Variants in ZKSCAN1 observed in about 807,000 individuals in gnomAD.
The protein encoded by ZKSCAN1 is zinc finger protein with KRAB and SCAN domains 1.
ZKSCAN1 carries 14 observed loss-of-function variants against 51.6 expected under a neutral mutation model. The ratio of observed to expected loss-of-function variants is 0.27; its 90% CI spans 0.18 to 0.42. ZKSCAN1 has a LOEUF of 0.42. Among genes scored for constraint, ZKSCAN1 ranks in the 10% least tolerant of loss-of-function variants. ZKSCAN1 has a pLI of 1.00. For missense variants in ZKSCAN1, 531 were observed against 710.0 expected (o/e 0.75, Z 2.86); for synonymous variants, 263 against 261.5 (o/e 1.01, Z -0.06).
Position 100,041,213 on chromosome 7 carries a change from G to T in ZKSCAN1, c.*7016G>T. On this transcript the variant is annotated 3_prime_UTR_variant, in exon 6 of 6. Transcript: ENST00000324306. The stretch of plus-strand genomic sequence containing the variant: ...AATAAATTAGACCAAAAGAAGAAAC[G>T]TGCTTGTCTCTGTATACCCGCAGAA... 1.3e-6 allele frequency: 1 copy of T among 769,456 alleles called. No individual in the cohort carries two copies. Among genetic ancestry groups the T allele is most frequent in the Non-Finnish European group, 1.6e-6 (1 of 632,940 alleles). The allele number at this position is 769,456 out of a possible 1,614,324, so 47.7% of individuals were successfully genotyped here.
rs1222141773 is a variant in ZKSCAN1, at chr7:100,039,282, AGCCT to A, written c.*5087_*5090del. ...AGCCGAGATTGCACCACTGCACTCC[AGCCT>A]GGGTAACAGAGACTCTGTCTCAAAA... is the stretch of plus-strand genomic sequence containing the variant. On this transcript the variant is annotated 3_prime_UTR_variant, in exon 6 of 6. Coordinates refer to ENST00000324306, the MANE Select transcript of ZKSCAN1 (RefSeq NM_003439.4). 1 of 981,098 alleles carries A rather than the reference AGCCT, an allele frequency of 1.0e-6. No individual in the cohort carries two copies. The highest frequency in any genetic ancestry group is 1.2e-6 in the Non-Finnish European group (1 of 826,798). 60.8% of individuals were successfully genotyped at this position (981,098 alleles called of 1,614,324 possible).
At chr7:100,044,521 AT>A (rs1406183415), downstream of ZKSCAN1, among the ~76,000 whole-genome samples, 4 of 151,952 alleles carry the variant, frequency 2.6e-5, no homozygotes, top group East Asian at 1.9e-4. Context: ...ATACAAAAAA[AT>A]AAAATAAAAT....
rs772200962 is a variant in ZKSCAN1 at position 100,034,176 on chromosome 7, G to A, written c.1671G>A (p.Ala557=). The change falls in exon 6 of 6, where the codon GCG becomes GCA. Residue 557 remains alanine, a synonymous_variant. Coordinates refer to ENST00000324306, the MANE Select transcript of ZKSCAN1 (RefSeq NM_003439.4). Reference sequence around the variant, plus strand: ...CAGCCTCCCTTGATGCATTTGGCGCGTTCCTGAAAAGTTGTGTGTAAAGGA... The same window carrying A: ...CAGCCTCCCTTGATGCATTTGGCGCATTCCTGAAAAGTTGTGTGTAAAGGA... ...YSPASLDAFG[A]FLKSCV is the part of the protein sequence containing the mutation. 27 of 1,510,106 alleles carry A rather than the reference G, an allele frequency of 1.8e-5. No homozygotes were observed. In the Admixed American group the frequency reaches 3.2e-4, roughly 18 times the overall value. 93.5% of individuals were successfully genotyped at this position (1,510,106 alleles called of 1,614,324 possible).
chr7:100,037,131 G>T lies in ZKSCAN1; in HGVS notation c.*2934G>T. ...CAGATGCTCAGTGCAAAGTGTAATT[G>T]GGTCATGGTCAAAAACGCTTGCAAC... On this transcript the variant is annotated 3_prime_UTR_variant, in exon 6 of 6. Transcript: ENST00000324306. The T allele has an allele frequency of 1.0e-6, 1 of 985,416 alleles. No individual in the cohort carries two copies. Among genetic ancestry groups the T allele is most frequent in the East Asian group, 1.1e-4 (1 of 8,814 alleles). The allele number at this position is 985,416 out of a possible 1,614,324, so 61.0% of individuals were successfully genotyped here. A position where few individuals can be genotyped will look rare whatever the true frequency, so the allele number is the denominator to read the frequency against.
At chr7:100,041,841 T>G (rs189706275), downstream of ZKSCAN1, among the ~76,000 whole-genome samples, 321 of 152,298 alleles carry the variant, frequency 2.1e-3, 1 homozygote, top group South Asian at 1.9e-3. Context: ...ATCTGTTTAC[T>G]TTGCAAACCA....
In ZKSCAN1 at chr7:100,040,593, A is replaced by C. The variant is rs1791552252; in HGVS notation, c.*6396A>C. The C allele has an allele frequency of 1.0e-6, 1 of 985,456 alleles. No homozygotes were observed. The highest frequency in any genetic ancestry group is 1.7e-5 in the African/African-American group (1 of 57,362). 61.0% of individuals were successfully genotyped at this position (985,456 alleles called of 1,614,324 possible). A position where few individuals can be genotyped will look rare whatever the true frequency, so the allele number is the denominator to read the frequency against. On this transcript the variant is annotated 3_prime_UTR_variant, in exon 6 of 6. Coordinates refer to ENST00000324306, the MANE Select transcript of ZKSCAN1 (RefSeq NM_003439.4). ...TCCAGGGAAGGGTCCAAGCAGCCAC[A>C]GTTGCCCTAAATCTCCATCATTAAG...
At position 100,040,323 on chromosome 7, in the gene ZKSCAN1, C is replaced by T. The variant is rs1791541882; in HGVS notation, c.*6126C>T. 1 of 985,442 alleles carries T rather than the reference C, an allele frequency of 1.0e-6. No homozygotes were observed. 61.0% of individuals were successfully genotyped at this position (985,442 alleles called of 1,614,324 possible). ...GTTTGGTAGACTTCTAAATCATGGT[C>T]TCTGACAATTTGAATCTGAGATTCT... On this transcript the variant is annotated 3_prime_UTR_variant, in exon 6 of 6. Transcript: ENST00000324306.
rs992190881 is a variant in ZKSCAN1, at chr7:100,020,671, A to G, written c.-88-2748A>G. 3.9e-5 allele frequency among the ~76,000 whole-genome samples: 6 copies of G among 152,192 alleles called. No homozygotes were observed. The South Asian group carries it at 1.2e-3, about 32-fold the overall frequency. On this transcript the variant is annotated intron_variant, in intron 1 of 5. Coordinates refer to ENST00000324306, the MANE Select transcript of ZKSCAN1 (RefSeq NM_003439.4). ...ACTCCGTTTCAATATATATGTATAT[A>G]TAATTTTTGTGCTGTTATATGTACA...
Position 100,041,182 on chromosome 7 carries a change from G to A in ZKSCAN1, c.*6985G>A, listed in dbSNP as rs1791579017. The A allele has an allele frequency of 1.4e-5, 10 of 732,618 alleles. No homozygotes were observed. In the South Asian group the frequency reaches 4.3e-4, roughly 32 times the overall value. The allele number at this position is 732,618 out of a possible 1,614,324, so 45.4% of individuals were successfully genotyped here. ...TGTTTTGTCAGTTCCCAGCTTCTTC[G>A]TTTAGAATAAATTAGACCAAAAGAA... On this transcript the variant is annotated 3_prime_UTR_variant, in exon 6 of 6. Coordinates refer to ENST00000324306, the MANE Select transcript of ZKSCAN1 (RefSeq NM_003439.4).
chr7:100,025,146 A>T (rs746184813), intron 3 of ZKSCAN1, among the ~76,000 whole-genome samples: 16 of 151,986 alleles, frequency 1.1e-4, no homozygotes, highest in Non-Finnish European at 2.2e-4. Context: ...CACATTTTTA[A>T]TAGGAAAGTA....
rs925357515 is a variant in ZKSCAN1, at chr7:100,034,705, G to C, written c.*508G>C. On this transcript the variant is annotated 3_prime_UTR_variant, in exon 6 of 6. Coordinates refer to ENST00000324306, the MANE Select transcript of ZKSCAN1 (RefSeq NM_003439.4). The stretch of plus-strand genomic sequence containing the variant: ...CTCAAGGTAGTTATATATACGATAA[G>C]TTGTATATATGATCACTGGTAGCCT... The C allele has an allele frequency of 3.3e-6, 1 of 301,904 alleles. No individual in the cohort carries two copies. The highest frequency in any genetic ancestry group is 4.9e-6 in the Non-Finnish European group (1 of 203,978). The allele number at this position is 301,904 out of a possible 1,614,324, so 18.7% of individuals were successfully genotyped here. A position where few individuals can be genotyped will look rare whatever the true frequency, so the allele number is the denominator to read the frequency against.
chr7:100,041,779 A>C, downstream of ZKSCAN1: 1 of 974,476 alleles, frequency 1.0e-6, no homozygotes, highest in Non-Finnish European at 1.2e-6. Context: ...AAAGTATTCC[A>C]AAGTTAAAAG....
intron 5 of ZKSCAN1, 124 bp downstream of exon 5, chr7:100,030,499 AC>A: frequency 8.5e-7 from 1 of 1,179,816 alleles, no homozygotes; most frequent in Non-Finnish European, 1.2e-6. Context: ...CCTTTTGTAG[AC>A]CAGATGGAAA....
intron 3 of ZKSCAN1, among the ~76,000 whole-genome samples, chr7:100,026,985 CA>C (rs1234083545): frequency 2.6e-5 from 4 of 151,346 alleles, no homozygotes; most frequent in Middle Eastern, 3.2e-3. Flanking sequence ...GGCAACAGAG[CA>C]AAACTCCATC....
downstream of ZKSCAN1, among the ~76,000 whole-genome samples, chr7:100,042,530 TGG>T (rs1791625444): frequency 6.6e-6 from 1 of 152,066 alleles, no homozygotes; most frequent in East Asian, 1.9e-4. Context: ...CCACAGGTTG[TGG>T]GCTCAGTCCC....
Position 100,038,122 on chromosome 7 carries a change from ACTT to A in ZKSCAN1, c.*3929_*3931del. Reference sequence around the variant, plus strand: ...CTTTAAAAAAATAGCAAAATGTGCAACTTCTTACAAAAATTGTTAACGTTAGGT... The same window carrying A: ...CTTTAAAAAAATAGCAAAATGTGCAACTTACAAAAATTGTTAACGTTAGGT... On this transcript the variant is annotated 3_prime_UTR_variant, in exon 6 of 6. Transcript: ENST00000324306. The A allele has an allele frequency of 3.0e-6, 3 of 985,460 alleles. No individual in the cohort carries two copies. The South Asian group carries it at 1.4e-4, about 46-fold the overall frequency. The allele number at this position is 985,460 out of a possible 1,614,324, so 61.0% of individuals were successfully genotyped here.
intron 3 of ZKSCAN1, among the ~76,000 whole-genome samples, chr7:100,028,311 C>T (rs1032049983): frequency 2.0e-5 from 3 of 151,764 alleles, no homozygotes; most frequent in Admixed American, 6.6e-5. Flanking sequence ...GAGATCGCGC[C>T]ATGCACACCA....
chr7:100,023,477 G>A lies in ZKSCAN1; in HGVS notation c.-30G>A. On this transcript the variant is annotated 5_prime_UTR_variant, in exon 2 of 6. Coordinates refer to ENST00000324306, the MANE Select transcript of ZKSCAN1 (RefSeq NM_003439.4). Reference sequence around the variant, plus strand: ...GGACATAAAGGTGAGCACAGACCCTGTTTGGATCAAGTCAGTTCCTGGAGC... The same window carrying A: ...GGACATAAAGGTGAGCACAGACCCTATTTGGATCAAGTCAGTTCCTGGAGC... 1 of 1,589,356 alleles carries A rather than the reference G, an allele frequency of 6.3e-7. No homozygotes were observed. The highest frequency in any genetic ancestry group is 8.6e-7 in the Non-Finnish European group (1 of 1,169,008).
At position 100,030,252 on chromosome 7, in the gene ZKSCAN1, A is replaced by G. The variant is rs754307031; in HGVS notation, c.676A>G (p.Met226Val). Residue 226 changes from methionine to valine, a missense_variant, in exon 5 of 6, where the codon ATG becomes GTG. By Grantham distance (21) the Met-to-Val change is conservative (BLOSUM62 1). Around this residue, in one of 2 missense-constraint regions of ZKSCAN1, gnomAD observed 403 missense variants for 490.5 expected, o/e 0.82. Coordinates refer to ENST00000324306, the MANE Select transcript of ZKSCAN1 (RefSeq NM_003439.4). ...SALFTADSQAMVKIEDMAVSL... is the reference protein window; with the variant it reads ...SALFTADSQAVVKIEDMAVSL... ...TGTTTGTCTCGTGTTATTTTAGGCA[A>G]TGGTGAAGATCGAGGACATGGCTGT... 29 of 1,613,734 alleles carry G rather than the reference A, an allele frequency of 1.8e-5. No homozygotes were observed. In the African/African-American group the frequency reaches 2.8e-4, roughly 16 times the overall value.
Sources: gnomAD v4.1 joint callset for allele counts (sites outside exome capture counted in the v4.1 genomes callset) on GRCh38, gnomAD v4.1.1 for gene constraint, gnomAD v4.1.1 regional missense constraint, MANE v1.5 for transcripts, NCBI Gene and HGNC (gene_info 2026-07-23, HGNC 2026-07-21) for gene names.